The following IRS2 variants were observed in gnomAD, a reference collection of about 807,000 sequenced individuals.
IRS2 encodes insulin receptor substrate 2.
Under a neutral mutation model 70.9 loss-of-function variants are expected in IRS2, and 28 were observed. The observed-to-expected ratio is 0.39, with a 90% CI of 0.29 to 0.54. The LOEUF is 0.54. Ranked by LOEUF, IRS2 falls within the 20% of genes least tolerant of loss-of-function variation. The pLI is 0.59. For synonymous variants in IRS2, 1,217 were observed against 981.9 expected (o/e 1.24, Z -4.48); for missense variants, 2,081 against 2,024.1 (o/e 1.03, Z -0.54).
chr13:109,754,271 G>C lies in IRS2; in HGVS notation c.*2033C>G, dbSNP rs1169162663. On this transcript the variant is annotated 3_prime_UTR_variant, in exon 2 of 2. Coordinates refer to ENST00000375856, the MANE Select transcript of IRS2 (RefSeq NM_003749.3). ...ATGTAAATATTGCATATGCCTTTTT[G>C]TGAAATGTACAGGATAGAGGAAAAT... The C allele has an allele frequency of 4.4e-6, 1 of 228,946 alleles. No individual in the cohort carries two copies. Among genetic ancestry groups the C allele is most frequent in the Non-Finnish European group, 8.7e-6 (1 of 115,274 alleles). 14.2% of individuals were successfully genotyped at this position (228,946 alleles called of 1,614,324 possible).
Position 109,755,291 on chromosome 13 carries a change from T to TA in IRS2, c.*1012dup, listed in dbSNP as rs1238355771. On this transcript the variant is annotated 3_prime_UTR_variant, in exon 2 of 2. Transcript: ENST00000375856. Reference sequence around the variant, plus strand: ...CATAATAACATTTTATTAAAGATAATACGTTTTTTAAAAATCAAATCTGCC... The same window carrying TA: ...CATAATAACATTTTATTAAAGATAATAACGTTTTTTAAAAATCAAATCTGCC... 3 of 224,100 alleles carry TA rather than the reference T, an allele frequency of 1.3e-5. No homozygotes were observed. The highest frequency in any genetic ancestry group is 2.6e-5 in the Non-Finnish European group (3 of 113,594). The allele number at this position is 224,100 out of a possible 1,614,324, so 13.9% of individuals were successfully genotyped here.
At chr13:109,781,642 T>G (rs1594388447) in intron 1 of IRS2, among the ~76,000 whole-genome samples, 1 of 152,014 alleles carries the variant, frequency 6.6e-6, no homozygotes, top group African/African-American at 2.4e-5. Context: ...AGGGCAGCGG[T>G]CCGGACCCGA....
chr13:109,781,933 C>A, intron 1 of IRS2, 109 bp downstream of exon 1: 2 of 1,248,928 alleles, frequency 1.6e-6, no homozygotes, highest in Non-Finnish European at 2.3e-6. Context: ...GCCAGGCTGT[C>A]GGCTTCTGGG....
intron 1 of IRS2, among the ~76,000 whole-genome samples, chr13:109,775,119 T>C (rs1002607792): frequency 3.3e-4 from 49 of 146,402 alleles, no homozygotes; most frequent in Middle Eastern, 3.5e-3. Flanking sequence ...TCTTTCTTTT[T>C]TTTTTTTTTT....
Position 109,782,479 on chromosome 13 carries a change from A to ACACCCACGC in IRS2, c.3566_3574dup (p.Gly1189_Gly1191dup). ...CGGCTCGTCGCCCCCTCCAGGGCCG[A>ACACCCACGC]CACCCACGCCGCCCTCGCTGCTTTT... On this transcript the variant is annotated inframe_insertion, in exon 1 of 2. Transcript: ENST00000375856. 2 of 1,558,504 alleles carry ACACCCACGC rather than the reference A, an allele frequency of 1.3e-6. No individual in the cohort carries two copies. The highest frequency in any genetic ancestry group is 1.7e-6 in the Non-Finnish European group (2 of 1,152,114).
rs1413831782 is a variant in IRS2 at position 109,783,317 on chromosome 13, G to A, written c.2737C>T (p.Pro913Ser). Residue 913 changes from proline (P) to serine (S), a missense_variant, in exon 1 of 2, where the codon CCC becomes TCC. Around this residue, in one of 4 missense-constraint regions of IRS2, gnomAD observed 1,615 missense variants for 1,459.5 expected, o/e 1.11. Coordinates refer to ENST00000375856, the MANE Select transcript of IRS2 (RefSeq NM_003749.3). The stretch of plus-strand genomic sequence containing the variant: ...TTGATGTACTCGCCGGGGCTCTTGG[G>A]CTCCGGTGGCAGTGGGTACTCGTGC... ...SMHEYPLPPE[P>S]KSPGEYINID... The A allele has an allele frequency of 6.4e-7, 1 of 1,552,978 alleles. No individual in the cohort carries two copies. Among genetic ancestry groups the A allele is most frequent in the Non-Finnish European group, 8.6e-7 (1 of 1,159,006 alleles).
intron 1 of IRS2, among the ~76,000 whole-genome samples, chr13:109,772,089 C>G (rs1329128989): frequency 6.6e-6 from 1 of 152,234 alleles, no homozygotes; most frequent in South Asian, 2.1e-4. Context: ...GAGGCTCACC[C>G]GGCATGCGCT....
In IRS2 at chr13:109,782,543, G is replaced by A. The variant is rs865813719; in HGVS notation, c.3511C>T (p.Arg1171Cys). The A allele has an allele frequency of 1.3e-6, 2 of 1,560,540 alleles. No homozygotes were observed. Reference protein sequence around the residue: ...VSPSFAHNPKRHNSASVENVS... With the variant: ...VSPSFAHNPKCHNSASVENVS... Reference sequence around the variant, plus strand: ...TTTTCCACGGAGGCCGAGTTGTGGCGCTTGGGGTTGTGGGCGAAGGACGGG... The same window carrying A: ...TTTTCCACGGAGGCCGAGTTGTGGCACTTGGGGTTGTGGGCGAAGGACGGG... Residue 1171 changes from arginine to cysteine, a missense_variant, in exon 1 of 2, where the codon CGC becomes TGC. Arg to Cys is a radical substitution (Grantham distance 180). Transcript: ENST00000375856.
At position 109,782,340 on chromosome 13, in the gene IRS2, G is replaced by A. The variant is rs746624825; in HGVS notation, c.3714C>T (p.Pro1238=). 1.2e-6 allele frequency: 2 copies of A among 1,611,638 alleles called. No homozygotes were observed. The highest frequency in any genetic ancestry group is 8.5e-7 in the Non-Finnish European group (1 of 1,179,430). ...LVGCPGSGGS[P]MRRETSAGFQ... ...AGCCGGCAGAGGTCTCTCTGCGCAT[G>A]GGCGATCCACCGCTCCCAGGACAAC... Residue 1238 remains proline (P), a synonymous_variant, in exon 1 of 2, where the codon CCC becomes CCT. Transcript: ENST00000375856.
At chr13:109,760,200 G>A (rs992585809) in intron 1 of IRS2, among the ~76,000 whole-genome samples, 1 of 152,150 alleles carries the variant, frequency 6.6e-6, no homozygotes, top group African/African-American at 2.4e-5. Flanking sequence ...TTTTATGGCT[G>A]TTCTACCCTG....
intron 1 of IRS2, among the ~76,000 whole-genome samples, chr13:109,775,114 C>CT (rs34415737): frequency 0.04 from 4,604 of 115,790 alleles, 117 homozygotes; most frequent in Non-Finnish European, 0.044. Context: ...CAAAATCTTT[C>CT]TTTTTTTTTT....
rs1877094784 is a variant in IRS2 at position 109,755,810 on chromosome 13, A to AC, written c.*493dup. 4.4e-6 allele frequency: 1 copy of AC among 225,586 alleles called. No individual in the cohort carries two copies. The highest frequency in any genetic ancestry group is 5.1e-5 in the Admixed American group (1 of 19,508). The allele number at this position is 225,586 out of a possible 1,614,324, so 14.0% of individuals were successfully genotyped here. ...GGGCTACTACAGGAGGTCCTGTGGG[A>AC]CCCCCGCCACGGAAATCCGGCTTTA... On this transcript the variant is annotated 3_prime_UTR_variant, in exon 2 of 2. Coordinates refer to ENST00000375856, the MANE Select transcript of IRS2 (RefSeq NM_003749.3).
chr13:109,754,106 CT>C lies in IRS2; in HGVS notation c.*2197del, dbSNP rs1001606608. 1 of 231,678 alleles carries C rather than the reference CT, an allele frequency of 4.3e-6. No homozygotes were observed. The highest frequency in any genetic ancestry group is 2.2e-5 in the African/African-American group (1 of 45,234). 14.4% of individuals were successfully genotyped at this position (231,678 alleles called of 1,614,324 possible). On this transcript the variant is annotated 3_prime_UTR_variant, in exon 2 of 2. Coordinates refer to ENST00000375856, the MANE Select transcript of IRS2 (RefSeq NM_003749.3). ...CCAAAAAGAAAACACTGTTTAATAA[CT>C]GTTAAAGTTTATATAGCAAAAAATA... is the stretch of plus-strand genomic sequence containing the variant.
chr13:109,759,693 G>C (rs1877187025), intron 1 of IRS2, among the ~76,000 whole-genome samples: 1 of 152,138 alleles, frequency 6.6e-6, no homozygotes, highest in South Asian at 2.1e-4. Flanking sequence ...TAGAATCTTT[G>C]CCACACATAC....
chr13:109,768,003 T>A (rs1877374084), intron 1 of IRS2, among the ~76,000 whole-genome samples: 2 of 152,234 alleles, frequency 1.3e-5, no homozygotes, highest in African/African-American at 4.8e-5. Flanking sequence ...AGTGCTGGGA[T>A]CACAGGCGTG....
intron 1 of IRS2, among the ~76,000 whole-genome samples, chr13:109,771,266 G>A (rs1283645362): frequency 6.6e-6 from 1 of 152,000 alleles, no homozygotes; most frequent in East Asian, 1.9e-4. Context: ...AAAGGGTTTT[G>A]TGTAGCCTTT....
chr13:109,785,745 C>T lies in IRS2; in HGVS notation c.309G>A (p.Lys103=), dbSNP rs756784191. The T allele has an allele frequency of 7.5e-6, 12 of 1,596,968 alleles. No individual in the cohort carries two copies. Among genetic ancestry groups the T allele is most frequent in the Admixed American group, 3.3e-5 (2 of 59,706 alleles). The change falls in exon 1 of 2, where the codon AAG becomes AAA. Residue 103 remains lysine (K), a synonymous_variant. Transcript: ENST00000375856. This position sits in a 1 kb window ranked among gnomAD's most constrained non-coding sequence, Gnocchi z 9.3. ...GGTACTTGTGCTTGGCGTCGGCGCG[C>T]TTGTTGATGTTCAGGCAGCAGTCGA... The part of the protein sequence containing the change: ...IALDCCLNIN[K]RADAKHKYLI...
In IRS2 at chr13:109,784,192, G is replaced by A. The variant is rs969163570; in HGVS notation, c.1862C>T (p.Pro621Leu). Residue 621 changes from proline to leucine, a missense_variant, in exon 1 of 2, where the codon CCC (proline) becomes CTC (leucine). Coordinates refer to ENST00000375856, the MANE Select transcript of IRS2 (RefSeq NM_003749.3). This position sits in a 1 kb window ranked among gnomAD's most constrained non-coding sequence, Gnocchi z 5.2. ...TGGGTAGGGGTGGTAGGCCACCTTGGGAGAGGACGCGGGGCAGGACGGGCA... is the reference window on the plus strand; with the variant it reads ...TGGGTAGGGGTGGTAGGCCACCTTGAGAGAGGACGCGGGGCAGGACGGGCA... Reference protein sequence around the residue: ...RLCPSCPASSPKVAYHPYPED... With the variant: ...RLCPSCPASSLKVAYHPYPED... 2.5e-6 allele frequency: 4 copies of A among 1,576,730 alleles called. No homozygotes were observed. In the African/African-American group the frequency reaches 4.0e-5, roughly 16 times the overall value.
At chr13:109,762,390 CA>C (rs1455428093) in intron 1 of IRS2, among the ~76,000 whole-genome samples, 1 of 152,182 alleles carries the variant, frequency 6.6e-6, no homozygotes, top group Admixed American at 6.5e-5. Context: ...GAAGCACGAA[CA>C]ACTTGCTGAA....
Sources: gnomAD v4.1 joint callset for allele counts (sites outside exome capture counted in the v4.1 genomes callset) on GRCh38, gnomAD v4.1.1 for gene constraint, gnomAD v4.1.1 regional missense constraint, Gnocchi (gnomAD v3.1) non-coding constraint, MANE v1.5 for transcripts, NCBI Gene and HGNC (gene_info 2026-07-23, HGNC 2026-07-21) for gene names.